Variants in BEGAIN observed in about 807,000 individuals in gnomAD.
BEGAIN encodes the protein brain-enriched guanylate kinase-associated protein.
In BEGAIN, 19 loss-of-function variants were observed where a neutral mutation model predicts 35.8. The ratio of observed to expected loss-of-function variants is 0.53; its 90% CI spans 0.37 to 0.78. The LOEUF (loss-of-function observed/expected upper bound fraction) is 0.78. BEGAIN is among the 30% of genes least tolerant of loss of function. The pLI is 0.00. For synonymous variants in BEGAIN, 462 were observed against 388.6 expected, an observed-to-expected ratio of 1.19 and a Z score of -2.22; for missense variants, 795 against 853.6, an observed-to-expected ratio of 0.93 and a Z score of 0.85.
chr14:100,585,043 T>G (rs1365857256), intron 1 of BEGAIN, among the ~76,000 whole-genome samples: 1 of 152,092 alleles, frequency 6.6e-6, no homozygotes, highest in Non-Finnish European at 1.5e-5. Flanking sequence ...CCCATCACCT[T>G]CAGGCCTTGG....
intron 1 of BEGAIN, among the ~76,000 whole-genome samples, chr14:100,571,318 C>T (rs926563471): frequency 2.6e-5 from 4 of 152,220 alleles, no homozygotes; most frequent in Non-Finnish European, 5.9e-5. Flanking sequence ...ATGACGTGCC[C>T]ATCCCTGCAT....
In BEGAIN at chr14:100,568,481, C is replaced by T; in HGVS notation, c.43-542G>A. 7.8e-7 allele frequency: 1 copy of T among 1,285,990 alleles called. No homozygotes were observed. The highest frequency in any genetic ancestry group is 1.0e-6 in the Non-Finnish European group (1 of 987,022). 79.7% of individuals were successfully genotyped at this position (1,285,990 alleles called of 1,614,324 possible). A position where few individuals can be genotyped will look rare whatever the true frequency, so the allele number is the denominator to read the frequency against. On this transcript the variant is annotated intron_variant, in intron 1 of 6. Transcript: ENST00000554140. This position sits in a 1 kb window ranked among gnomAD's most constrained non-coding sequence, Gnocchi z 7.5. Reference sequence around the variant, plus strand: ...GCGATGGCATTTGGAGCCTCGACTCCTCAATCAGGGACCCGCTGCCCTCAG... The same window carrying T: ...GCGATGGCATTTGGAGCCTCGACTCTTCAATCAGGGACCCGCTGCCCTCAG...
intron 1 of BEGAIN, among the ~76,000 whole-genome samples, chr14:100,570,455 G>A (rs980259948): frequency 2.2e-4 from 34 of 152,202 alleles, no homozygotes; most frequent in Non-Finnish European, 1.5e-4. Context: ...ATTGCCTTCG[G>A]GGCAACCACT....
chr14:100,544,776 C>T (rs920587498), intron 4 of BEGAIN, among the ~76,000 whole-genome samples: 13 of 152,190 alleles, frequency 8.5e-5, no homozygotes, highest in Admixed American at 8.5e-4. Flanking sequence ...CACCCCCAGG[C>T]TGGAGTGCTC....
intron 2 of BEGAIN, among the ~76,000 whole-genome samples, chr14:100,553,656 G>A (rs2033422361): frequency 2.0e-5 from 3 of 152,016 alleles, no homozygotes; most frequent in African/African-American, 7.3e-5. Context: ...CCTCTGTTGT[G>A]AGGCTTTGCT....
At position 100,567,372 on chromosome 14, in the gene BEGAIN, G is replaced by C. The variant is rs1383770237; in HGVS notation, c.71+539C>G. On this transcript the variant is annotated intron_variant, in intron 2 of 6. Transcript: ENST00000554140. This position sits in a 1 kb window ranked among gnomAD's most constrained non-coding sequence, Gnocchi z 5.1. The stretch of plus-strand genomic sequence containing the variant: ...GCTGTCGCGGGATTCCCCCAAAATG[G>C]CTCCAAGACGCGGCTGCCTGGTCCA... Among the ~76,000 whole-genome samples, 1 of 152,116 alleles carries C rather than the reference G, an allele frequency of 6.6e-6. No homozygotes were observed. Among genetic ancestry groups the C allele is most frequent in the Admixed American group, 6.5e-5 (1 of 15,288 alleles).
chr14:100,576,771 G>A (rs1442802900), intron 1 of BEGAIN, among the ~76,000 whole-genome samples: 1 of 152,216 alleles, frequency 6.6e-6, no homozygotes. Flanking sequence ...GGACAGCCAA[G>A]GAAATCTCAC....
rs758609831 is a variant in BEGAIN, at chr14:100,538,089, C to A, written c.1719G>T (p.Pro573=). The A allele has an allele frequency of 1.9e-6, 3 of 1,586,214 alleles. No homozygotes were observed. The highest frequency in any genetic ancestry group is 1.3e-5 in the African/African-American group (1 of 74,126). ...SLEPSSMEAS[P]EMHPAARLSP... ...TGAGGCGGGCGGCAGGATGCATTTC[C>A]GGGGAGGCCTCCATGGAGCTCGGCT... Residue 573 remains proline, a synonymous_variant, in exon 7 of 7, where the codon CCG becomes CCT. Transcript: ENST00000554140.
chr14:100,582,660 C>T (rs1251091359), intron 1 of BEGAIN, among the ~76,000 whole-genome samples: 1 of 152,142 alleles, frequency 6.6e-6, no homozygotes, highest in African/African-American at 2.4e-5. Flanking sequence ...ACACAGCTGT[C>T]CAGGTCTTCC....
chr14:100,554,284 C>T (rs955603391), intron 2 of BEGAIN, among the ~76,000 whole-genome samples: 2 of 152,198 alleles, frequency 1.3e-5, no homozygotes, highest in Non-Finnish European at 2.9e-5. Context: ...TGGGCTGCGG[C>T]TGTCACTGTT....
chr14:100,565,597 A>C (rs2034622618), intron 2 of BEGAIN, among the ~76,000 whole-genome samples: 1 of 152,144 alleles, frequency 6.6e-6, no homozygotes, highest in African/African-American at 2.4e-5. Flanking sequence ...CCACAGACCC[A>C]GCCTGTGATG....
chr14:100,538,885 C>T lies in BEGAIN; in HGVS notation c.923G>A (p.Ser308Asn). The T allele has an allele frequency of 6.2e-7, 1 of 1,608,012 alleles. No homozygotes were observed. The highest frequency in any genetic ancestry group is 8.5e-7 in the Non-Finnish European group (1 of 1,178,468). ...PAGFQHEAFP[S>N]YAGSLPTSSS... ...GGACGTGGGCAGTGAGCCTGCGTAG[C>T]TGGGGAAGGCCTCATGCTGGAAGCC... The change falls in exon 7 of 7, where the codon AGC becomes AAC. Residue 308 changes from serine (S) to asparagine (N), a missense_variant. Around this residue, in one of 3 missense-constraint regions of BEGAIN, gnomAD observed 664 missense variants for 647.7 expected, o/e 1.03. Coordinates refer to ENST00000554140, the MANE Select transcript of BEGAIN (RefSeq NM_001385089.1).
intron 2 of BEGAIN, among the ~76,000 whole-genome samples, chr14:100,560,115 A>AC (rs1566972863): frequency 6.6e-6 from 1 of 152,104 alleles, no homozygotes; most frequent in Non-Finnish European, 1.5e-5. Flanking sequence ...GCAGGCCCCA[A>AC]CCTCAGCAGT....
chr14:100,585,460 T>C (rs866017199), intron 1 of BEGAIN, among the ~76,000 whole-genome samples: 21 of 124,576 alleles, frequency 1.7e-4, no homozygotes, highest in East Asian at 4.9e-4. Flanking sequence ...ATCCATCCAT[T>C]CATCCATCCA....
chr14:100,543,985 A>G lies in BEGAIN; in HGVS notation c.301-20T>C, dbSNP rs1423277170. 1 of 1,585,208 alleles carries G rather than the reference A, an allele frequency of 6.3e-7. No individual in the cohort carries two copies. The highest frequency in any genetic ancestry group is 1.1e-5 in the South Asian group (1 of 87,944). On this transcript the variant is annotated intron_variant, in intron 4 of 6. Coordinates refer to ENST00000554140, the MANE Select transcript of BEGAIN (RefSeq NM_001385089.1). ...CTGGCCCTGGGGGTGGGACAGTGGG[A>G]GGAGGAGGCCCGTGGTTGGCTCCTG...
intron 2 of BEGAIN, among the ~76,000 whole-genome samples, chr14:100,564,910 C>T (rs2034567867): frequency 6.6e-6 from 1 of 152,190 alleles, no homozygotes; most frequent in African/African-American, 2.4e-5. Flanking sequence ...GGGCAGCCCC[C>T]AGGCCTTTGC....
At chr14:100,540,711 A>T in intron 5 of BEGAIN, 132 bp from the exon 6 acceptor site, 1 of 647,460 alleles carries the variant, frequency 1.5e-6, no homozygotes, top group South Asian at 1.8e-5. Flanking sequence ...ACAAGGACCC[A>T]CTGCTGGCTC....
Position 100,538,348 on chromosome 14 carries a change from T to C in BEGAIN, c.1460A>G (p.Tyr487Cys). The C allele has an allele frequency of 6.6e-7, 1 of 1,515,514 alleles. No homozygotes were observed. Among genetic ancestry groups the C allele is most frequent in the Non-Finnish European group, 8.8e-7 (1 of 1,139,090 alleles). 93.9% of individuals were successfully genotyped at this position (1,515,514 alleles called of 1,614,324 possible). A position where few individuals can be genotyped will look rare whatever the true frequency, so the allele number is the denominator to read the frequency against. ...KKADGRASPL[Y>C]ASYKADSFSE... ...GAAGCTGTCGGCCTTGTAGCTGGCGTAGAGCGGGCTGGCGCGGCCGTCGGC... is the reference window on the plus strand; with the variant it reads ...GAAGCTGTCGGCCTTGTAGCTGGCGCAGAGCGGGCTGGCGCGGCCGTCGGC... The change falls in exon 7 of 7, where the codon TAC becomes TGC. Residue 487 changes from tyrosine to cysteine, a missense_variant. This residue lies in a region of BEGAIN where 664 missense variants were observed against 647.7 expected (regional missense o/e 1.03). Coordinates refer to ENST00000554140, the MANE Select transcript of BEGAIN (RefSeq NM_001385089.1).
In BEGAIN at chr14:100,541,106, G is replaced by A. The variant is rs145511955; in HGVS notation, c.409-527C>T. On this transcript the variant is annotated intron_variant, in intron 5 of 6. Transcript: ENST00000554140. ...TGGAAACAGTGTGGCTGCAGGGCTG[G>A]GCAGGGACTGGGCAGGTGTGTGACC... Among the ~76,000 whole-genome samples, 976 of 152,388 alleles carry A rather than the reference G, an allele frequency of 6.4e-3. 4 individuals are homozygous for A. The highest frequency in any genetic ancestry group is 0.011 in the Non-Finnish European group (730 of 68,034).
Sources: gnomAD v4.1 joint callset for allele counts (sites outside exome capture counted in the v4.1 genomes callset) on GRCh38, gnomAD v4.1.1 for gene constraint, gnomAD v4.1.1 regional missense constraint, Gnocchi (gnomAD v3.1) non-coding constraint, MANE v1.5 for transcripts, NCBI Gene and HGNC (gene_info 2026-07-23, HGNC 2026-07-21) for gene names.